The following TTLL9 variants were observed in gnomAD, a reference collection of about 807,000 sequenced individuals.
TTLL9 encodes probable tubulin polyglutamylase TTLL9.
In TTLL9, 47 loss-of-function variants were observed where a neutral mutation model predicts 65.6. That is an observed-to-expected ratio of 0.72 (90% CI 0.57 to 0.91). TTLL9 has a LOEUF of 0.91. TTLL9 is among the 40% of genes least tolerant of loss of function. The pLI, the probability that TTLL9 is intolerant of heterozygous loss-of-function variation, is 0.00. For synonymous variants in TTLL9, 179 were observed against 204.8 expected (o/e 0.87, Z 1.07); for missense variants, 537 against 568.8 (o/e 0.94, Z 0.57).
intron 3 of TTLL9, among the ~76,000 whole-genome samples, chr20:31,890,031 T>TTTCTTTCTTTCTTTCTTTCC (rs1325059685): frequency 2.6e-5 from 3 of 114,510 alleles, no homozygotes; most frequent in Admixed American, 9.4e-5. Context: ...TCTTTCTTTC[T>TTTCTTTCTTTCTTTCTTTCC]TTCCTTCCTT....
chr20:31,886,517 T>C (rs528697387), intron 2 of TTLL9, among the ~76,000 whole-genome samples: 8 of 150,496 alleles, frequency 5.3e-5, no homozygotes. Flanking sequence ...CATTCCAAGT[T>C]AAGAGTAAAA....
intron 4 of TTLL9, among the ~76,000 whole-genome samples, chr20:31,903,874 A>C (rs1217317987): frequency 3.3e-5 from 5 of 152,208 alleles, no homozygotes; most frequent in African/African-American, 1.2e-4. Flanking sequence ...ACATCATTTG[A>C]ATTTCACCAG....
rs772450485 is a variant in TTLL9 at position 31,933,839 on chromosome 20, C to G, written c.788C>G (p.Pro263Arg). ...AACGTGGCTGTGCAAAAAACATCTC[C>G]CGACTACCACCCAAAGAAGGTGAGG... is the stretch of plus-strand genomic sequence containing the variant. ...LTNVAVQKTS[P>R]DYHPKKGCKW... The change falls in exon 11 of 15, where the codon CCC becomes CGC. Residue 263 changes from proline (P) to arginine (R), a missense_variant. Physicochemically the swap from Pro to Arg is moderately radical, Grantham distance 103. Coordinates refer to ENST00000535842, the MANE Select transcript of TTLL9 (RefSeq NM_001008409.5). 1.2e-6 allele frequency: 2 copies of G among 1,613,978 alleles called. No homozygotes were observed. Among genetic ancestry groups the G allele is most frequent in the East Asian group, 4.5e-5 (2 of 44,898 alleles).
At position 31,943,706 on chromosome 20, in the gene TTLL9, G is replaced by C; in HGVS notation, c.*685G>C. ...ACAGACCAGGGAGGCAGAGCTTAGT[G>C]AGGGTCTCTGCAAAGGTGCATTTAT... is the stretch of plus-strand genomic sequence containing the variant. On this transcript the variant is annotated 3_prime_UTR_variant, in exon 15 of 15. Transcript: ENST00000535842. 1 of 456,692 alleles carries C rather than the reference G, an allele frequency of 2.2e-6. No individual in the cohort carries two copies. The highest frequency in any genetic ancestry group is 2.3e-5 in the Admixed American group (1 of 42,584). The allele number at this position is 456,692 out of a possible 1,614,324, so 28.3% of individuals were successfully genotyped here. A position where few individuals can be genotyped will look rare whatever the true frequency, so the allele number is the denominator to read the frequency against.
At chr20:31,878,922 A>C (rs556474628) in intron 2 of TTLL9, among the ~76,000 whole-genome samples, 1 of 152,208 alleles carries the variant, frequency 6.6e-6, no homozygotes, top group Non-Finnish European at 1.5e-5. Context: ...AATTTTGACA[A>C]ATGCATATAC....
intron 6 of TTLL9, among the ~76,000 whole-genome samples, chr20:31,915,707 C>T (rs2063724378): frequency 6.6e-6 from 1 of 151,420 alleles, no homozygotes; most frequent in Non-Finnish European, 1.5e-5. Context: ...CGCTGGTTCT[C>T]TTGGCTGCAA....
chr20:31,914,057 C>T (rs1026569787), intron 6 of TTLL9, among the ~76,000 whole-genome samples: 1 of 152,228 alleles, frequency 6.6e-6, no homozygotes, highest in African/African-American at 2.4e-5. Flanking sequence ...ACTTCACACA[C>T]GGCAGCGAGC....
At chr20:31,888,072 C>T (rs2063225487) in intron 3 of TTLL9, among the ~76,000 whole-genome samples, 1 of 151,872 alleles carries the variant, frequency 6.6e-6, no homozygotes, top group South Asian at 2.1e-4. Context: ...TTAGTAGAGA[C>T]AGGATTTCTC....
At chr20:31,917,210 G>C (rs1294939388) in intron 6 of TTLL9, among the ~76,000 whole-genome samples, 1 of 152,140 alleles carries the variant, frequency 6.6e-6, no homozygotes, top group African/African-American at 2.4e-5. Flanking sequence ...ACCCTCAGCA[G>C]CCCTCTCAGG....
intron 6 of TTLL9, among the ~76,000 whole-genome samples, chr20:31,915,784 G>A (rs1462677844): frequency 6.6e-6 from 1 of 152,048 alleles, no homozygotes; most frequent in African/African-American, 2.4e-5. Flanking sequence ...ATGAGGTAAC[G>A]TGTATAAATC....
intron 4 of TTLL9, among the ~76,000 whole-genome samples, chr20:31,902,957 G>A (rs778136655): frequency 9.9e-5 from 15 of 152,104 alleles, no homozygotes; most frequent in South Asian, 2.1e-4. Flanking sequence ...TTGACCTCCC[G>A]CGCTCAAGTG....
In TTLL9 at chr20:31,934,897, G is replaced by A. The variant is rs758683827; in HGVS notation, c.1004+9G>A. On this transcript the variant is annotated intron_variant, in intron 12 of 14. Coordinates refer to ENST00000535842, the MANE Select transcript of TTLL9 (RefSeq NM_001008409.5). ...GACCAGGACCTCAAGCCGTAAGTGGGTGGGTGGGAGAGCCAGGAGGTCATA... is the reference window on the plus strand; with the variant it reads ...GACCAGGACCTCAAGCCGTAAGTGGATGGGTGGGAGAGCCAGGAGGTCATA... 1.2e-6 allele frequency: 2 copies of A among 1,605,810 alleles called. No homozygotes were observed. Among genetic ancestry groups the A allele is most frequent in the African/African-American group, 2.7e-5 (2 of 74,828 alleles).
intron 3 of TTLL9, among the ~76,000 whole-genome samples, chr20:31,890,146 C>CTTTCT (rs1568753458): frequency 1.1e-3 from 20 of 18,930 alleles, no homozygotes; most frequent in Admixed American, 1.8e-3. Context: ...TCCTTCCTTC[C>CTTTCT]TTCCTTCCTT....
At chr20:31,934,140 G>T (rs2064066061) in intron 11 of TTLL9, among the ~76,000 whole-genome samples, 1 of 152,344 alleles carries the variant, frequency 6.6e-6, no homozygotes, top group South Asian at 2.1e-4. Flanking sequence ...TTGGTCAACG[G>T]ATTAATCGAT....
chr20:31,926,771 T>C (rs2063912693), intron 10 of TTLL9, among the ~76,000 whole-genome samples: 1 of 152,152 alleles, frequency 6.6e-6, no homozygotes, highest in African/African-American at 2.4e-5. Flanking sequence ...AAACAAAGCA[T>C]GTCTAGAACA....
chr20:31,939,233 G>C lies in TTLL9; in HGVS notation c.1210G>C (p.Gly404Arg). Residue 404 changes from glycine (G) to arginine (R), a missense_variant, in exon 14 of 15, where the codon GGA (glycine) becomes CGA (arginine). This residue lies in a region of TTLL9 where 205 missense variants were observed against 225.9 expected (regional missense o/e 0.91). Coordinates refer to ENST00000535842, the MANE Select transcript of TTLL9 (RefSeq NM_001008409.5). ...AGAGGAGGGGGCTCCTGACCTGTCGGGAATGGGAAACTTTGTGACCAACAC... is the reference window on the plus strand; with the variant it reads ...AGAGGAGGGGGCTCCTGACCTGTCGCGAATGGGAAACTTTGTGACCAACAC... ...SREEGAPDLSGMGNFVTNTHL... is the reference protein window; with the variant it reads ...SREEGAPDLSRMGNFVTNTHL... 1 of 1,613,640 alleles carries C rather than the reference G, an allele frequency of 6.2e-7. No individual in the cohort carries two copies. The highest frequency in any genetic ancestry group is 8.5e-7 in the Non-Finnish European group (1 of 1,179,800).
chr20:31,920,064 C>G, intron 7 of TTLL9, 132 bp downstream of exon 7: 1 of 708,808 alleles, frequency 1.4e-6, no homozygotes, highest in Non-Finnish European at 2.1e-6. Flanking sequence ...CCCATTGGAG[C>G]AGGGTCTCCA....
chr20:31,917,783 G>A lies in TTLL9; in HGVS notation c.505-2081G>A, dbSNP rs117787250. ...GAAAGAGGAGAGAAACACGAAAGGT[G>A]GCTCGCCCGTCAAGACAGGTTTATT... On this transcript the variant is annotated intron_variant, in intron 6 of 14. Transcript: ENST00000535842. Among the ~76,000 whole-genome samples, 562 of 152,312 alleles carry A rather than the reference G, an allele frequency of 3.7e-3. 25 individuals carry two copies. In the East Asian group the frequency reaches 0.08, roughly 22 times the overall value.
chr20:31,898,535 G>T lies in TTLL9; in HGVS notation c.176G>T (p.Arg59Leu). ...ATGAACACACTCATGGACGTCCTTC[G>T]CCACAGGCCAGGATGGGTGGAAGTG... ...TLMNTLMDVL[R>L]HRPGWVEVKD... The change falls in exon 4 of 15, where the codon CGC becomes CTC. Residue 59 changes from arginine (R) to leucine (L), a missense_variant. Physicochemically the swap from Arg to Leu is moderately radical, Grantham distance 102. Around this residue, in one of 3 missense-constraint regions of TTLL9, gnomAD observed 320 missense variants for 311.0 expected, o/e 1.03. Coordinates refer to ENST00000535842, the MANE Select transcript of TTLL9 (RefSeq NM_001008409.5). 6.2e-7 allele frequency: 1 copy of T among 1,614,132 alleles called. No homozygotes were observed. The highest frequency in any genetic ancestry group is 1.3e-5 in the African/African-American group (1 of 75,004).
Sources: gnomAD v4.1 joint callset for allele counts (sites outside exome capture counted in the v4.1 genomes callset) on GRCh38, gnomAD v4.1.1 for gene constraint, gnomAD v4.1.1 regional missense constraint, MANE v1.5 for transcripts, NCBI Gene and HGNC (gene_info 2026-07-23, HGNC 2026-07-21) for gene names.